ARL15: variants seen among roughly 807,000 people sequenced by gnomAD.
ARL15 encodes ADP-ribosylation factor-like protein 15.
In ARL15, 19 loss-of-function variants were observed where a neutral mutation model predicts 25.2. The ratio of observed to expected loss-of-function variants is 0.75; its 90% confidence interval spans 0.53 to 1.10. The LOEUF is 1.10. Among genes scored for constraint, ARL15 ranks in the 50% least tolerant of loss-of-function variants. ARL15 has a pLI of 0.00. For synonymous variants in ARL15, 94 were observed against 86.8 expected, an observed-to-expected ratio of 1.08 and a Z score of -0.46; for missense variants, 220 against 246.0, an observed-to-expected ratio of 0.89 and a Z score of 0.71.
chr5:54,209,859 T>C (rs1170635176), intron 1 of ARL15, among the ~76,000 whole-genome samples: 2 of 152,196 alleles, frequency 1.3e-5, no homozygotes, highest in East Asian at 1.9e-4. Flanking sequence ...ATTCATAGCC[T>C]ATCTTCTCCC....
intron 4 of ARL15, among the ~76,000 whole-genome samples, chr5:54,044,648 T>C (rs1310238963): frequency 6.6e-6 from 1 of 152,216 alleles, no homozygotes; most frequent in Non-Finnish European, 1.5e-5. Flanking sequence ...TATTTTTAAA[T>C]TATAATGTGC....
At chr5:53,950,794 A>G (rs771007804) in intron 4 of ARL15, among the ~76,000 whole-genome samples, 8 of 152,220 alleles carry the variant, frequency 5.3e-5, no homozygotes, top group Non-Finnish European at 1.0e-4. Flanking sequence ...ATAATGTTCT[A>G]AGCATTATGA....
At position 53,884,996 on chromosome 5, in the gene ARL15, G is replaced by A. The variant is rs920886599; in HGVS notation, c.*1565C>T. 2.0e-5 allele frequency: 3 copies of A among 151,936 alleles called. No individual in the cohort carries two copies. Among genetic ancestry groups the A allele is most frequent in the African/African-American group, 7.3e-5 (3 of 41,224 alleles). The allele number at this position is 151,936 out of a possible 1,614,324, so 9.4% of individuals were successfully genotyped here. ...TTAAAAAAAAAAAGCTTAAAGAAGT[G>A]TTTGATGTTTCAAAGGTAATGATTT... On this transcript the variant is annotated 3_prime_UTR_variant, in exon 5 of 5. Coordinates refer to ENST00000504924, the MANE Select transcript of ARL15 (RefSeq NM_019087.3).
At chr5:54,094,337 T>C (rs1326389732) in intron 4 of ARL15, among the ~76,000 whole-genome samples, 1 of 151,732 alleles carries the variant, frequency 6.6e-6, no homozygotes. Context: ...CTGTCAGAAG[T>C]ACATGAATTC....
At chr5:54,214,391 G>A (rs575489961) in intron 1 of ARL15, among the ~76,000 whole-genome samples, 1 of 152,254 alleles carries the variant, frequency 6.6e-6, no homozygotes, top group Admixed American at 6.5e-5. Context: ...TTCTCAGACA[G>A]ATGAAAGAAC....
chr5:54,175,207 G>A (rs944634213), intron 1 of ARL15, among the ~76,000 whole-genome samples: 4 of 152,126 alleles, frequency 2.6e-5, no homozygotes, highest in Admixed American at 2.6e-4. Flanking sequence ...GAAAAACTTT[G>A]TAGCCAACTC....
intron 1 of ARL15, among the ~76,000 whole-genome samples, chr5:54,262,645 T>TG (rs1166176431): frequency 3.9e-5 from 6 of 152,216 alleles, no homozygotes; most frequent in Non-Finnish European, 8.8e-5. Flanking sequence ...AGTAAAATAA[T>TG]GGCAAAGTAT....
At chr5:54,300,816 CCTT>C (rs932062587) in intron 1 of ARL15, among the ~76,000 whole-genome samples, 1 of 152,190 alleles carries the variant, frequency 6.6e-6, no homozygotes, top group African/African-American at 2.4e-5. Context: ...CCTTTCCAAT[CCTT>C]CTCTGCACTG....
At chr5:54,299,855 G>A (rs916151509) in intron 1 of ARL15, among the ~76,000 whole-genome samples, 4 of 151,952 alleles carry the variant, frequency 2.6e-5, no homozygotes, top group African/African-American at 9.7e-5. Context: ...TCAAAGTGCT[G>A]GGATTATAGG....
At chr5:54,006,857 G>A (rs1749062304) in intron 4 of ARL15, among the ~76,000 whole-genome samples, 1 of 152,080 alleles carries the variant, frequency 6.6e-6, no homozygotes, top group South Asian at 2.1e-4. Flanking sequence ...TTGGGAGGCC[G>A]AGGTGGGTGG....
intron 4 of ARL15, among the ~76,000 whole-genome samples, chr5:54,016,263 G>A (rs1318508623): frequency 1.3e-5 from 2 of 152,112 alleles, no homozygotes; most frequent in Non-Finnish European, 2.9e-5. Flanking sequence ...TTTTTTCCAA[G>A]TGTTTGTCGT....
At chr5:53,920,651 T>TAATAAATAAATAAATA (rs377705778) in intron 4 of ARL15, among the ~76,000 whole-genome samples, 39 of 141,216 alleles carry the variant, frequency 2.8e-4, no homozygotes, top group East Asian at 6.2e-4. Flanking sequence ...TATTAAAAAA[T>TAATAAATAAATAAATA]AATAAATAAA....
chr5:53,962,757 T>G lies in ARL15; in HGVS notation c.463-76044A>C, dbSNP rs569065588. Among the ~76,000 whole-genome samples the G allele has an allele frequency of 9.4e-4, 143 of 152,308 alleles. 1 individual carries two copies. The highest frequency in any genetic ancestry group is 2.0e-3 in the African/African-American group (82 of 41,576). On this transcript the variant is annotated intron_variant, in intron 4 of 4. Transcript: ENST00000504924. ...CTGGATCAAAGGCCTAAAGGATATA[T>G]GAAAATTTTGAATTTTAAATTATGA...
intron 1 of ARL15, among the ~76,000 whole-genome samples, chr5:54,254,282 G>A (rs1247253584): frequency 6.6e-6 from 1 of 152,254 alleles, no homozygotes; most frequent in African/African-American, 2.4e-5. Flanking sequence ...CTCACATTTT[G>A]TAACCTTGGG....
chr5:54,017,605 C>A (rs867622386), intron 4 of ARL15, among the ~76,000 whole-genome samples: 15 of 133,890 alleles, frequency 1.1e-4, no homozygotes, highest in African/African-American at 4.6e-4. Flanking sequence ...AAAAAAAAAA[C>A]CCAAACCAAA....
chr5:53,887,786 T>A (rs995156612), intron 4 of ARL15, among the ~76,000 whole-genome samples: 3 of 152,332 alleles, frequency 2.0e-5, no homozygotes, highest in Admixed American at 6.5e-5. Context: ...CTTACCTTAG[T>A]CAATACTTGA....
At chr5:54,091,113 C>T (rs1579789086) in intron 4 of ARL15, among the ~76,000 whole-genome samples, 1 of 152,110 alleles carries the variant, frequency 6.6e-6, no homozygotes, top group South Asian at 2.1e-4. Flanking sequence ...TATATCAGAC[C>T]ATGGGGAAAA....
intron 1 of ARL15, among the ~76,000 whole-genome samples, chr5:54,182,094 A>AGGTT (rs1755075181): frequency 1.6e-5 from 1 of 62,760 alleles, no homozygotes; most frequent in African/African-American, 7.2e-5. Context: ...CCCATGTTGT[A>AGGTT]GGTTGCCTGT....
intron 4 of ARL15, among the ~76,000 whole-genome samples, chr5:53,956,379 AT>A (rs905934119): frequency 4.0e-5 from 6 of 151,084 alleles, no homozygotes; most frequent in Non-Finnish European, 8.9e-5. Flanking sequence ...AAAATGTCCA[AT>A]TTTAAACAAA....
Sources: allele counts gnomAD v4.1 joint callset (sites outside exome capture counted in the v4.1 genomes callset), GRCh38; gene constraint gnomAD v4.1.1; transcripts MANE v1.5; gene names NCBI Gene and HGNC (gene_info 2026-07-23, HGNC 2026-07-21).